The following ST3GAL1 variants were observed in gnomAD, a reference collection of about 807,000 sequenced individuals.
The protein encoded by ST3GAL1 is CMP-N-acetylneuraminate-beta-galactosamide-alpha-2,3-sialyltransferase 1.
In ST3GAL1, 16 loss-of-function variants were observed where a neutral mutation model predicts 34.1. The ratio of observed to expected loss-of-function variants is 0.47; its 90% CI spans 0.32 to 0.71. The LOEUF (loss-of-function observed/expected upper bound fraction) is 0.71, where lower values mean the gene tolerates loss of function less well. ST3GAL1 is among the 30% of genes least tolerant of loss of function. The pLI, the probability that ST3GAL1 is intolerant of heterozygous loss-of-function variation, is 0.04. For synonymous variants in ST3GAL1, 191 were observed against 184.7 expected (o/e 1.03, Z -0.28); for missense variants, 353 against 447.4 (o/e 0.79, Z 1.90).
chr8:133,538,697 C>T (rs1177540371), intron 2 of ST3GAL1, among the ~76,000 whole-genome samples: 1 of 152,214 alleles, frequency 6.6e-6, no homozygotes, highest in Admixed American at 6.5e-5. Context: ...GAGCATTCCA[C>T]CATGCTGGTT....
chr8:133,511,998 A>G (rs1189934233), intron 2 of ST3GAL1, among the ~76,000 whole-genome samples: 2 of 152,208 alleles, frequency 1.3e-5, no homozygotes, highest in African/African-American at 4.8e-5. Context: ...GGTTGCAGTG[A>G]GCTGAGAATG....
chr8:133,535,591 C>A (rs115171836), intron 2 of ST3GAL1, among the ~76,000 whole-genome samples: 54 of 149,748 alleles, frequency 3.6e-4, no homozygotes, highest in African/African-American at 1.3e-3. Context: ...CAGCCTTGAA[C>A]TTCTGGCCTC....
At chr8:133,531,863 C>A (rs1351211897) in intron 2 of ST3GAL1, among the ~76,000 whole-genome samples, 3 of 146,808 alleles carry the variant, frequency 2.0e-5, no homozygotes, top group Non-Finnish European at 4.5e-5. Flanking sequence ...CACTGTACTG[C>A]GGTTCGTAAA....
intron 1 of ST3GAL1, among the ~76,000 whole-genome samples, chr8:133,558,463 T>TGG (rs1819122834): frequency 6.6e-6 from 1 of 152,208 alleles, no homozygotes; most frequent in African/African-American, 2.4e-5. Flanking sequence ...AAGGAATCAA[T>TGG]GAAAGACTCA....
chr8:133,551,606 GAA>G (rs1563739204), intron 1 of ST3GAL1, among the ~76,000 whole-genome samples: 4 of 148,436 alleles, frequency 2.7e-5, no homozygotes, highest in South Asian at 2.2e-4. Flanking sequence ...AAGAAAGAAA[GAA>G]AGAAAGAAAG....
At chr8:133,497,314 T>C (rs982174963) in intron 3 of ST3GAL1, among the ~76,000 whole-genome samples, 72 of 152,328 alleles carry the variant, frequency 4.7e-4, no homozygotes, top group African/African-American at 1.7e-3. Context: ...AGAAGGCATT[T>C]TGAGAACACA....
Position 133,502,559 on chromosome 8 carries a change from C to T in ST3GAL1, c.-428-3370G>A, listed in dbSNP as rs1207401464. Among the ~76,000 whole-genome samples the T allele has an allele frequency of 4.6e-5, 7 of 152,180 alleles. No individual in the cohort carries two copies. The South Asian group carries it at 6.2e-4, about 14-fold the overall frequency. ...TCATCAGAAACCAACCCTGATGACA[C>T]CTTGATCTTGGGCTTCCAGCTTCCA... On this transcript the variant is annotated intron_variant, in intron 2 of 9. Transcript: ENST00000522652.
chr8:133,521,328 T>C (rs1817802531), intron 2 of ST3GAL1, among the ~76,000 whole-genome samples: 1 of 152,038 alleles, frequency 6.6e-6, no homozygotes, highest in Non-Finnish European at 1.5e-5. Context: ...AGACGGAATC[T>C]TGCTCTATTG....
At chr8:133,517,853 T>C (rs1320191186) in intron 2 of ST3GAL1, among the ~76,000 whole-genome samples, 2 of 152,168 alleles carry the variant, frequency 1.3e-5, no homozygotes, top group African/African-American at 4.8e-5. Context: ...ATCAGAAAGT[T>C]TTACATAAAA....
chr8:133,524,505 G>C (rs1347264504), intron 2 of ST3GAL1, among the ~76,000 whole-genome samples: 2 of 152,238 alleles, frequency 1.3e-5, no homozygotes, highest in Middle Eastern at 3.2e-3. Context: ...GCTCATGCCT[G>C]CTGGGCTCAT....
At chr8:133,498,552 C>T (rs1315344298) in intron 3 of ST3GAL1, among the ~76,000 whole-genome samples, 3 of 152,040 alleles carry the variant, frequency 2.0e-5, no homozygotes, top group East Asian at 3.9e-4. Context: ...ACTGAGCAGA[C>T]CAACTATCCT....
chr8:133,474,250 C>A (rs1030691605), intron 5 of ST3GAL1, among the ~76,000 whole-genome samples: 2 of 152,158 alleles, frequency 1.3e-5, no homozygotes, highest in African/African-American at 2.4e-5. Context: ...TGAAGACCAT[C>A]GCTCCTGTGC....
chr8:133,517,606 T>G (rs1338600394), intron 2 of ST3GAL1, among the ~76,000 whole-genome samples: 1 of 152,246 alleles, frequency 6.6e-6, no homozygotes, highest in East Asian at 1.9e-4. Context: ...TGCTTTGGCC[T>G]TCCCAAGTGC....
In ST3GAL1 at chr8:133,461,556, G is replaced by T. The variant is rs1474567725; in HGVS notation, c.849+319C>A. On this transcript the variant is annotated intron_variant, in intron 9 of 9. Coordinates refer to ENST00000522652, the MANE Select transcript of ST3GAL1 (RefSeq NM_173344.3). The surrounding 1 kb of genome is among the most constrained non-coding windows in gnomAD (Gnocchi z 4.7). Reference sequence around the variant, plus strand: ...GGAGCAAGTGGGATTGAGAACTGTGGCCTTAGACAACTCTCGCTATGAGAA... The same window carrying T: ...GGAGCAAGTGGGATTGAGAACTGTGTCCTTAGACAACTCTCGCTATGAGAA... Among the ~76,000 whole-genome samples, 1 of 152,138 alleles carries T rather than the reference G, an allele frequency of 6.6e-6. No individual in the cohort carries two copies. Among genetic ancestry groups the T allele is most frequent in the Non-Finnish European group, 1.5e-5 (1 of 68,032 alleles).
At chr8:133,513,687 A>T (rs796707871) in intron 2 of ST3GAL1, among the ~76,000 whole-genome samples, 9 of 152,274 alleles carry the variant, frequency 5.9e-5, no homozygotes, top group African/African-American at 2.2e-4. Context: ...CAAGGTCAGG[A>T]GTTCAAGACC....
intron 2 of ST3GAL1, among the ~76,000 whole-genome samples, chr8:133,523,845 C>T (rs4736691): frequency 0.27 from 40,344 of 152,136 alleles, 5,501 homozygotes; most frequent in South Asian, 0.32. Flanking sequence ...TGTTGTGACA[C>T]GCTTTAGCCA....
At chr8:133,486,300 C>A (rs1283832095) in intron 3 of ST3GAL1, among the ~76,000 whole-genome samples, 1 of 152,252 alleles carries the variant, frequency 6.6e-6, no homozygotes, top group Non-Finnish European at 1.5e-5. Context: ...TCCATGGTGG[C>A]ACTGTGAGCA....
chr8:133,501,544 T>C (rs918719252), intron 2 of ST3GAL1, among the ~76,000 whole-genome samples: 48 of 146,078 alleles, frequency 3.3e-4, no homozygotes, highest in African/African-American at 1.2e-3. Context: ...GGTTAGGAGT[T>C]CAAAGACCAG....
intron 1 of ST3GAL1, among the ~76,000 whole-genome samples, chr8:133,558,643 T>C (rs918622045): frequency 1.3e-5 from 2 of 152,180 alleles, no homozygotes; most frequent in East Asian, 1.9e-4. Flanking sequence ...TATGACACCA[T>C]GGCTCAGAGA....
Sources: gnomAD v4.1 joint callset for allele counts (sites outside exome capture counted in the v4.1 genomes callset) on GRCh38, gnomAD v4.1.1 for gene constraint, Gnocchi (gnomAD v3.1) non-coding constraint, MANE v1.5 for transcripts, NCBI Gene and HGNC (gene_info 2026-07-23, HGNC 2026-07-21) for gene names.